The following BCAR1 variants were observed in gnomAD, a reference collection of about 807,000 sequenced individuals.
BCAR1 encodes the protein breast cancer anti-estrogen resistance protein 1.
BCAR1 carries 30 observed loss-of-function variants against 67.6 expected under a neutral mutation model. The observed-to-expected ratio is 0.44, with a 90% CI of 0.33 to 0.60. BCAR1 has a LOEUF of 0.60. BCAR1 is among the 20% of genes least tolerant of loss of function. The pLI is 0.02. For synonymous variants in BCAR1, 626 were observed against 556.7 expected (o/e 1.12, Z -1.75); for missense variants, 1,313 against 1,222.3 (o/e 1.07, Z -1.11).
intron 2 of BCAR1, among the ~76,000 whole-genome samples, chr16:75,240,929 C>A (rs1285011934): frequency 6.6e-6 from 1 of 152,386 alleles, no homozygotes; most frequent in East Asian, 1.9e-4. Context: ...CGAGGCCGGG[C>A]TCTGTCTGGG....
Position 75,248,420 on chromosome 16 carries a change from G to A in BCAR1, c.12+3051C>T, listed in dbSNP as rs1056682874. On this transcript the variant is annotated intron_variant, in intron 1 of 6. Transcript: ENST00000162330. ...GTCCCAAAGAGCCTCCGTGGCCAAC[G>A]GATGCAGGCCCAATAAGCATGCGCC... 1.3e-5 allele frequency: 14 copies of A among 1,092,340 alleles called. 1 individual carries two copies. Among genetic ancestry groups the A allele is most frequent in the African/African-American group, 4.9e-5 (3 of 60,964 alleles). The allele number at this position is 1,092,340 out of a possible 1,614,324, so 67.7% of individuals were successfully genotyped here. A position where few individuals can be genotyped will look rare whatever the true frequency, so the allele number is the denominator to read the frequency against.
At chr16:75,234,018 C>T in intron 5 of BCAR1, 83 bp from the exon 6 acceptor site, 1 of 1,364,892 alleles carries the variant, frequency 7.3e-7, no homozygotes, top group East Asian at 2.5e-5. Flanking sequence ...GCGCAGTGAG[C>T]TGAGTGGCCA....
chr16:75,254,127 C>G (rs887626001), upstream of BCAR1, among the ~76,000 whole-genome samples: 1 of 152,104 alleles, frequency 6.6e-6, no homozygotes, highest in South Asian at 2.1e-4. Context: ...ATGAAGAGAC[C>G]GAGACCCAGT....
chr16:75,238,902 GGACCCAGCCTCAA>G (rs1437968922), intron 2 of BCAR1: 1 of 985,278 alleles, frequency 1.0e-6, no homozygotes, highest in East Asian at 1.1e-4. Flanking sequence ...AGGCAGGTGG[GGACCCAGCCTCAA>G]GGCTCAGCCA....
At chr16:75,231,442 A>G (rs2076897122) in intron 6 of BCAR1, among the ~76,000 whole-genome samples, 2 of 152,186 alleles carry the variant, frequency 1.3e-5, no homozygotes, top group African/African-American at 4.8e-5. Flanking sequence ...ATAAATGTCC[A>G]TACTTTATTG....
At chr16:75,265,802 G>A (rs1321964045) in intron 1 of BCAR1, 18 of 1,197,260 alleles carry the variant, frequency 1.5e-5, no homozygotes, top group Non-Finnish European at 1.9e-5. Flanking sequence ...CCGGCCCGGG[G>A]TCCCGGGCGG....
At chr16:75,262,404 C>A (rs1228631513) in intron 1 of BCAR1, among the ~76,000 whole-genome samples, 1 of 152,224 alleles carries the variant, frequency 6.6e-6, no homozygotes, top group Non-Finnish European at 1.5e-5. Flanking sequence ...GCAGACGGCG[C>A]CGGGAAGGCT....
chr16:75,230,163 C>A, intron 6 of BCAR1, 140 bp from the exon 7 acceptor site: 1 of 1,072,754 alleles, frequency 9.3e-7, no homozygotes, highest in East Asian at 2.8e-5. Flanking sequence ...AACGGGCAGT[C>A]TCCTCTCCCG....
chr16:75,252,196 C>G, upstream of BCAR1: 1 of 1,536,292 alleles, frequency 6.5e-7, no homozygotes, highest in Non-Finnish European at 8.7e-7. Context: ...GGGAGGCTGG[C>G]GAGCTCTCGA....
rs112547473 is a variant in BCAR1, at chr16:75,243,190, T to C, written c.13-100A>G. 960 of 1,268,844 alleles carry C rather than the reference T, an allele frequency of 7.6e-4. 7 individuals are homozygous for C. In the African/African-American group the frequency reaches 0.012, roughly 16 times the overall value. 78.6% of individuals were successfully genotyped at this position (1,268,844 alleles called of 1,614,324 possible). A position where few individuals can be genotyped will look rare whatever the true frequency, so the allele number is the denominator to read the frequency against. ...GCTCTGGGGAGGTGCCCAGCTTTGATACTAGGAAAAGAACTCAGTGGAGTT... is the reference window on the plus strand; with the variant it reads ...GCTCTGGGGAGGTGCCCAGCTTTGACACTAGGAAAAGAACTCAGTGGAGTT... On this transcript the variant is annotated intron_variant, in intron 1 of 6. Transcript: ENST00000162330.
chr16:75,239,779 C>A (rs928665696), intron 2 of BCAR1, among the ~76,000 whole-genome samples: 4 of 152,204 alleles, frequency 2.6e-5, no homozygotes, highest in Non-Finnish European at 5.9e-5. Flanking sequence ...CCGCTCCCCT[C>A]CCTCCCCAGC....
upstream of BCAR1, chr16:75,252,003 C>T (rs1240915660): frequency 1.6e-6 from 1 of 635,446 alleles, no homozygotes; most frequent in African/African-American, 1.8e-5. Context: ...GTCGACTTGT[C>T]TTTCCCGCTA....
At chr16:75,261,999 G>A (rs996005876) in intron 1 of BCAR1, among the ~76,000 whole-genome samples, 15 of 152,178 alleles carry the variant, frequency 9.9e-5, no homozygotes, top group African/African-American at 3.6e-4. Flanking sequence ...CAGGAGCTCT[G>A]TGCTCTTAAC....
intron 2 of BCAR1, 70 bp from the exon 3 acceptor site, chr16:75,237,414 G>A: frequency 7.2e-7 from 1 of 1,396,938 alleles, no homozygotes; most frequent in Non-Finnish European, 9.3e-7. Context: ...TCACACCTGG[G>A]AGCCACGTCC....
Position 75,235,198 on chromosome 16 carries a change from T to G in BCAR1, c.1701A>C (p.Gly567=). 2 of 1,607,888 alleles carry G rather than the reference T, an allele frequency of 1.2e-6. No individual in the cohort carries two copies. Among genetic ancestry groups the G allele is most frequent in the Non-Finnish European group, 8.5e-7 (1 of 1,178,362 alleles). ...AHGQALDAGR[G]GSGATLEDLD... ...GGTCCTCAAGGGTGGCTCCAGAGCC[T>G]CCCCGGCCAGCGTCGAGGGCCTGAC... Residue 567 remains glycine, a synonymous_variant, in exon 5 of 7, where the codon GGA becomes GGC. Coordinates refer to ENST00000162330, the MANE Select transcript of BCAR1 (RefSeq NM_014567.5).
intron 1 of BCAR1, chr16:75,264,519 C>G (rs2077964914): frequency 1.4e-6 from 2 of 1,413,078 alleles, no homozygotes; most frequent in South Asian, 3.1e-5. Flanking sequence ...TTCCTTCTTT[C>G]TGAAGACGAG....
intron 1 of BCAR1, among the ~76,000 whole-genome samples, chr16:75,267,298 A>G (rs11861217): frequency 0.11 from 16,046 of 149,838 alleles, 1,803 homozygotes; most frequent in African/African-American, 0.29. Flanking sequence ...TTGCCCCTTC[A>G]CCTCTTGAGT....
In BCAR1 at chr16:75,236,950, G is replaced by C. The variant is rs748696177; in HGVS notation, c.844C>G (p.Pro282Ala). Residue 282 changes from proline to alanine, a missense_variant, in exon 4 of 7, where the codon CCG becomes GCG. Physicochemically the swap from Pro to Ala is conservative, Grantham distance 27. This residue lies in a region of BCAR1 where 1,272 missense variants were observed against 1,137.5 expected (regional missense o/e 1.12). Transcript: ENST00000162330. ...GGCACGTCATACACCTCCAGCAACG[G>C]GTCTCGGCCATTGGGACCCTTGACA... ...MAVKGPNGRD[P>A]LLEVYDVPPS... The C allele has an allele frequency of 3.7e-6, 6 of 1,612,062 alleles. No individual in the cohort carries two copies. In the South Asian group the frequency reaches 4.4e-5, roughly 12 times the overall value.
rs1211685274 is a variant in BCAR1, at chr16:75,229,343, C to T, written c.*168G>A. ...GCTCCTGAGGAGGCATGGCCCCACA[C>T]CCTGCCCGGCCATAAATATATACAG... is the stretch of plus-strand genomic sequence containing the variant. On this transcript the variant is annotated 3_prime_UTR_variant, in exon 7 of 7. Coordinates refer to ENST00000162330, the MANE Select transcript of BCAR1 (RefSeq NM_014567.5). 1 of 1,155,346 alleles carries T rather than the reference C, an allele frequency of 8.7e-7. No individual in the cohort carries two copies. Among genetic ancestry groups the T allele is most frequent in the Admixed American group, 3.1e-5 (1 of 32,700 alleles). 71.6% of individuals were successfully genotyped at this position (1,155,346 alleles called of 1,614,324 possible).
Sources: allele counts gnomAD v4.1 joint callset (sites outside exome capture counted in the v4.1 genomes callset), GRCh38; gene constraint gnomAD v4.1.1; regional missense constraint gnomAD v4.1.1; transcripts MANE v1.5; gene names NCBI Gene and HGNC (gene_info 2026-07-23, HGNC 2026-07-21).